Variants in ZNRF1 observed in about 807,000 individuals in gnomAD.
ZNRF1 encodes zinc and ring finger 1.
ZNRF1 carries 3 observed loss-of-function variants against 18.4 expected under a neutral mutation model. The observed-to-expected ratio is 0.16, with a 90% CI of 0.07 to 0.42. ZNRF1 has a LOEUF of 0.42. Ranked by LOEUF, ZNRF1 falls within the 10% of genes least tolerant of loss-of-function variation. The probability of loss-of-function intolerance (pLI) is 0.99; values close to 1 mark genes in which losing one functional copy is unlikely to be tolerated. For synonymous variants in ZNRF1, 157 were observed against 144.2 expected (o/e 1.09, Z -0.64); for missense variants, 310 against 329.8 (o/e 0.94, Z 0.47).
intron 1 of ZNRF1, among the ~76,000 whole-genome samples, chr16:75,065,422 C>T (rs183413302): frequency 7.2e-5 from 11 of 152,340 alleles, no homozygotes; most frequent in Admixed American, 1.3e-4. Flanking sequence ...TTGTTACTTA[C>T]ACCTTTGTAG....
At chr16:75,013,350 T>A (rs2035024321) in intron 1 of ZNRF1, among the ~76,000 whole-genome samples, 1 of 115,076 alleles carries the variant, frequency 8.7e-6, no homozygotes. Flanking sequence ...GTCCATTCAA[T>A]TTTTTTTTTT....
chr16:75,096,059 C>CGTGT (rs1567494250), intron 2 of ZNRF1, among the ~76,000 whole-genome samples: 3 of 61,766 alleles, frequency 4.9e-5, no homozygotes, highest in Non-Finnish European at 1.1e-4. Context: ...TGTATGTGTG[C>CGTGT]ACGTGTGTGT....
chr16:75,065,347 C>T (rs958385467), intron 1 of ZNRF1, among the ~76,000 whole-genome samples: 5 of 152,162 alleles, frequency 3.3e-5, no homozygotes, highest in African/African-American at 4.8e-5. Flanking sequence ...TACTGCCGCA[C>T]GGCAACTCCT....
chr16:75,085,473 A>G (rs189217762), intron 1 of ZNRF1, among the ~76,000 whole-genome samples: 1 of 152,300 alleles, frequency 6.6e-6, no homozygotes, highest in Non-Finnish European at 1.5e-5. Flanking sequence ...GCTTGTTAGG[A>G]ATAAAGCTGT....
At chr16:75,069,986 C>A (rs2035850851) in intron 1 of ZNRF1, among the ~76,000 whole-genome samples, 1 of 152,290 alleles carries the variant, frequency 6.6e-6, no homozygotes, top group Middle Eastern at 3.4e-3. Flanking sequence ...ACTTCTACAC[C>A]CCTAAATCTC....
At chr16:75,064,226 G>C (rs912874661) in intron 1 of ZNRF1, among the ~76,000 whole-genome samples, 1 of 152,038 alleles carries the variant, frequency 6.6e-6, no homozygotes, top group African/African-American at 2.4e-5. Flanking sequence ...AGTTGAGCCC[G>C]GGAGGTGGAG....
intron 1 of ZNRF1, among the ~76,000 whole-genome samples, chr16:75,000,757 TG>T (rs539050099): frequency 9.2e-5 from 14 of 152,326 alleles, no homozygotes; most frequent in Admixed American, 1.3e-4. Flanking sequence ...GCAGCAGGCT[TG>T]GCTCCGCGAC....
At chr16:75,059,540 C>T (rs1308673886) in intron 1 of ZNRF1, among the ~76,000 whole-genome samples, 5 of 152,020 alleles carry the variant, frequency 3.3e-5, no homozygotes, top group Admixed American at 2.0e-4. Flanking sequence ...GTGGGGGTAT[C>T]AGAGAAAACT....
rs2035770695 is a variant in ZNRF1 at position 75,063,864 on chromosome 16, T to C, written c.425-29708T>C. The stretch of plus-strand genomic sequence containing the variant: ...GGGAAAAGTGGCCTTTTGGGTTGGC[T>C]GTGACCTCCCTGTGTGTATCTGCCC... On this transcript the variant is annotated intron_variant, in intron 1 of 4. Coordinates refer to ENST00000335325, the MANE Select transcript of ZNRF1 (RefSeq NM_032268.5). Among the ~76,000 whole-genome samples the C allele has an allele frequency of 2.0e-5, 3 of 152,360 alleles. No homozygotes were observed. The South Asian group carries it at 6.2e-4, about 32-fold the overall frequency.
At chr16:75,088,918 C>T (rs1408660851) in intron 1 of ZNRF1, among the ~76,000 whole-genome samples, 1 of 152,084 alleles carries the variant, frequency 6.6e-6, no homozygotes, top group Non-Finnish European at 1.5e-5. Context: ...AAGTGCCAGT[C>T]GTAGTGCACA....
chr16:75,009,156 A>G (rs1401830621), intron 1 of ZNRF1, among the ~76,000 whole-genome samples: 2 of 152,218 alleles, frequency 1.3e-5, no homozygotes, highest in Non-Finnish European at 2.9e-5. Context: ...ATCCCAAGCC[A>G]CAAATACCCA....
At chr16:75,014,593 TCATTA>T (rs1181385466) in intron 1 of ZNRF1, among the ~76,000 whole-genome samples, 9 of 152,216 alleles carry the variant, frequency 5.9e-5, no homozygotes, top group African/African-American at 1.9e-4. Flanking sequence ...AAATTTTGTT[TCATTA>T]CATACGTGAA....
chr16:75,070,837 A>G (rs948380670), intron 1 of ZNRF1, among the ~76,000 whole-genome samples: 10 of 152,282 alleles, frequency 6.6e-5, no homozygotes, highest in Non-Finnish European at 1.0e-4. Flanking sequence ...GGAGCCGCCC[A>G]TCTTGTTGTG....
At chr16:75,107,194 C>G (rs911698750) in intron 4 of ZNRF1, 1 of 175,246 alleles carries the variant, frequency 5.7e-6, no homozygotes, top group Non-Finnish European at 1.2e-5. Flanking sequence ...TCTGGCCTCC[C>G]CATTTCTCCC....
intron 1 of ZNRF1, among the ~76,000 whole-genome samples, chr16:75,027,810 A>T (rs999859471): frequency 6.6e-6 from 1 of 152,192 alleles, no homozygotes; most frequent in African/African-American, 2.4e-5. Context: ...ATTCATGATT[A>T]CTAACCTTAA....
At chr16:75,053,201 A>G (rs561784271) in intron 1 of ZNRF1, among the ~76,000 whole-genome samples, 1 of 152,342 alleles carries the variant, frequency 6.6e-6, no homozygotes, top group African/African-American at 2.4e-5. Flanking sequence ...CCTTAAAGTT[A>G]AACATCAATT....
At chr16:75,049,666 A>C (rs557110551) in intron 1 of ZNRF1, among the ~76,000 whole-genome samples, 2 of 152,292 alleles carry the variant, frequency 1.3e-5, no homozygotes, top group Non-Finnish European at 1.5e-5. Context: ...CGCTGCTTCT[A>C]CTTACTTCTG....
At chr16:75,095,689 C>T in intron 2 of ZNRF1, 1 of 1,549,558 alleles carries the variant, frequency 6.5e-7, no homozygotes. Context: ...GGACAGAGTG[C>T]TCTTGGGCCC....
intron 1 of ZNRF1, among the ~76,000 whole-genome samples, chr16:75,080,245 G>A (rs1000231489): frequency 1.3e-5 from 2 of 152,238 alleles, no homozygotes; most frequent in African/African-American, 4.8e-5. Flanking sequence ...AATGAATACA[G>A]CAGCACACAT....
Sources: allele counts gnomAD v4.1 joint callset (sites outside exome capture counted in the v4.1 genomes callset), GRCh38; gene constraint gnomAD v4.1.1; transcripts MANE v1.5; gene names NCBI Gene and HGNC (gene_info 2026-07-23, HGNC 2026-07-21).